The following ACP7 variants were observed in gnomAD, a reference collection of about 807,000 sequenced individuals.
ACP7 encodes the protein acid phosphatase type 7.
ACP7 carries 58 observed loss-of-function variants against 60.6 expected under a neutral mutation model. The ratio of observed to expected loss-of-function variants is 0.96; its 90% CI spans 0.77 to 1.19. ACP7 has a LOEUF of 1.19. Ranked by LOEUF, ACP7 falls within the 50% of genes most tolerant of loss-of-function variation. ACP7 has a pLI of 0.00. For missense variants in ACP7, 574 were observed against 596.2 expected (o/e 0.96, Z 0.39); for synonymous variants, 237 against 232.6 (o/e 1.02, Z -0.17).
intron 11 of ACP7, among the ~76,000 whole-genome samples, chr19:39,105,129 C>T (rs1339146311): frequency 1.3e-5 from 2 of 151,806 alleles, no homozygotes; most frequent in Non-Finnish European, 2.9e-5. Flanking sequence ...GATTCTCCCA[C>T]CTCAGCCTCC....
chr19:39,106,873 G>A (rs2073416005), intron 11 of ACP7, 74 bp from the exon 12 acceptor site: 2 of 1,576,768 alleles, frequency 1.3e-6, no homozygotes, highest in Admixed American at 1.7e-5. Flanking sequence ...GCAGGGTCCT[G>A]GGCTAGCAGG....
intron 2 of ACP7, among the ~76,000 whole-genome samples, chr19:39,093,543 C>T (rs192198311): frequency 1.3e-3 from 198 of 152,062 alleles, no homozygotes; most frequent in Non-Finnish European, 2.5e-3. Context: ...CATGAGCCAT[C>T]GCGCCCAGCT....
Position 39,106,977 on chromosome 19 carries a change from G to A in ACP7, c.1144G>A (p.Val382Ile). The A allele has an allele frequency of 4.3e-6, 7 of 1,614,040 alleles. No homozygotes were observed. The highest frequency in any genetic ancestry group is 1.3e-5 in the African/African-American group (1 of 75,054). The change falls in exon 12 of 13, where the codon GTC (valine) becomes ATC (isoleucine). Residue 382 changes from valine to isoleucine, a missense_variant. Coordinates refer to ENST00000331256, the MANE Select transcript of ACP7 (RefSeq NM_001004318.3). ...GCEERLTPFA[V>I]FPRPWSAVRV... is the part of the protein sequence containing the mutation. ...TGAGGAGCGGCTGACGCCCTTTGCT[G>A]TCTTCCCGAGGCCCTGGAGTGCCGT...
intron 2 of ACP7, among the ~76,000 whole-genome samples, chr19:39,091,036 GC>G (rs1321694049): frequency 2.0e-5 from 3 of 151,936 alleles, no homozygotes; most frequent in African/African-American, 7.2e-5. Context: ...CTTACAACAA[GC>G]CTCCATCATT....
intron 11 of ACP7, among the ~76,000 whole-genome samples, chr19:39,103,453 T>TG (rs2073379204): frequency 6.8e-6 from 1 of 147,594 alleles, no homozygotes; most frequent in Non-Finnish European, 1.5e-5. Flanking sequence ...TTTTTTTTTT[T>TG]TTTTTTTTTT....
At position 39,110,118 on chromosome 19, in the gene ACP7, G is replaced by A; in HGVS notation, c.1317G>A (p.Ter439=). The A allele has an allele frequency of 6.2e-7, 1 of 1,612,960 alleles. No individual in the cohort carries two copies. Among genetic ancestry groups the A allele is most frequent in the South Asian group, 1.1e-5 (1 of 91,056 alleles). ...RPLFGRRMYL[*] is the part of the protein sequence containing the mutation. ...TGTTTGGCCGGAGGATGTACCTCTA[G>A]GGATGGCGGCAGCTCTCCTCCAGAA... Residue 439 remains the stop codon, a stop_retained_variant, in exon 13 of 13, where the codon TAG becomes TAA. Transcript: ENST00000331256.
At chr19:39,107,284 C>T (rs1392846530) in intron 12 of ACP7, among the ~76,000 whole-genome samples, 200 bp downstream of exon 12, 1 of 151,620 alleles carries the variant, frequency 6.6e-6, no homozygotes, top group Non-Finnish European at 1.5e-5. Flanking sequence ...CTAGTCTCTA[C>T]AAAAAATACA....
chr19:39,095,735 A>G, intron 2 of ACP7, among the ~76,000 whole-genome samples: 1 of 152,232 alleles, frequency 6.6e-6, no homozygotes, highest in East Asian at 1.9e-4. Context: ...GAGGTTCTCC[A>G]TGAGAGCCCC....
chr19:39,094,114 T>C (rs1350193190), intron 2 of ACP7, among the ~76,000 whole-genome samples: 1 of 152,154 alleles, frequency 6.6e-6, no homozygotes, highest in East Asian at 1.9e-4. Context: ...TTGACTTGGG[T>C]GCTAACGTTT....
intron 12 of ACP7, among the ~76,000 whole-genome samples, chr19:39,109,297 G>A (rs569104071): frequency 1.1e-4 from 16 of 152,122 alleles, no homozygotes; most frequent in Non-Finnish European, 2.1e-4. Flanking sequence ...TGCACCGGGC[G>A]CAGACTTTTG....
Position 39,098,653 on chromosome 19 carries a change from A to G in ACP7, c.317A>G (p.Gln106Arg), listed in dbSNP as rs1345956052. The change falls in exon 3 of 13, where the codon CAG (glutamine) becomes CGG (arginine). Residue 106 changes from glutamine to arginine, a missense_variant. Transcript: ENST00000331256. ...CTTCGCAAGCTGCTGCCAGGGGTTC[A>G]GTATGGTGAGAGGGGCCCCAGGCTG... The part of the protein sequence containing the change: ...VTLRKLLPGV[Q>R]YVYRCGSAQG... 6.2e-7 allele frequency: 1 copy of G among 1,610,002 alleles called. No homozygotes were observed. The highest frequency in any genetic ancestry group is 1.1e-5 in the South Asian group (1 of 90,368).
rs1405397805 is a variant in ACP7, at chr19:39,110,377, CA to C, written c.*260del. On this transcript the variant is annotated 3_prime_UTR_variant, in exon 13 of 13. Transcript: ENST00000331256. ...CGGCAGGTTTCTGCTGGCAGGGCCC[CA>C]CCCTCCTGCATAGCTCTGATCGGGC... The C allele has an allele frequency of 7.7e-6, 4 of 517,174 alleles. No homozygotes were observed. Among genetic ancestry groups the C allele is most frequent in the African/African-American group, 5.8e-5 (3 of 52,046 alleles). 32.0% of individuals were successfully genotyped at this position (517,174 alleles called of 1,614,324 possible). A position where few individuals can be genotyped will look rare whatever the true frequency, so the allele number is the denominator to read the frequency against.
chr19:39,102,773 C>CTT (rs2073368447), intron 11 of ACP7, among the ~76,000 whole-genome samples: 1 of 31,398 alleles, frequency 3.2e-5, no homozygotes, highest in Non-Finnish European at 6.7e-5. Flanking sequence ...CTTTCTCTCT[C>CTT]TCTCTCTTTC....
intron 4 of ACP7, among the ~76,000 whole-genome samples, chr19:39,099,517 T>C (rs148873402): frequency 6.6e-6 from 1 of 152,206 alleles, no homozygotes; most frequent in Non-Finnish European, 1.5e-5. Context: ...ATTATTATTA[T>C]TGCTGCTGTT....
intron 2 of ACP7, among the ~76,000 whole-genome samples, chr19:39,090,809 G>A (rs1341136752): frequency 7.5e-6 from 1 of 133,114 alleles, no homozygotes; most frequent in East Asian, 2.1e-4. Context: ...TTTTTTTTTG[G>A]TCTATTGTTC....
intron 2 of ACP7, among the ~76,000 whole-genome samples, chr19:39,095,199 C>G (rs566195611): frequency 6.6e-4 from 101 of 152,240 alleles, no homozygotes; most frequent in African/African-American, 2.3e-3. Context: ...AGCATTAACC[C>G]AAAAGTCCAC....
intron 2 of ACP7, among the ~76,000 whole-genome samples, chr19:39,092,202 G>A (rs1436664976): frequency 6.6e-6 from 1 of 151,914 alleles, no homozygotes; most frequent in Non-Finnish European, 1.5e-5. Context: ...GTAAAACCCG[G>A]TCTCTACTAA....
At chr19:39,098,430 G>T in intron 2 of ACP7, 28 bp from the exon 3 acceptor site, 1 of 796,590 alleles carries the variant, frequency 1.3e-6, no homozygotes, top group Non-Finnish European at 1.9e-6. Flanking sequence ...CTTCACTCCC[G>T]GTCTACCCTC....
At chr19:39,094,711 G>A (rs1336258361) in intron 2 of ACP7, among the ~76,000 whole-genome samples, 5 of 150,680 alleles carry the variant, frequency 3.3e-5, no homozygotes, top group South Asian at 2.1e-4. Context: ...CCTGTGGTCC[G>A]AGCTACTCAG....
Sources: allele counts gnomAD v4.1 joint callset (sites outside exome capture counted in the v4.1 genomes callset), GRCh38; gene constraint gnomAD v4.1.1; transcripts MANE v1.5; gene names NCBI Gene and HGNC (gene_info 2026-07-23, HGNC 2026-07-21).